Variants in FUT8 observed in about 807,000 individuals in gnomAD.
FUT8 encodes the protein fucosyltransferase 8.
In FUT8, 29 loss-of-function variants were observed where a neutral mutation model predicts 71.3. That is an observed-to-expected ratio of 0.41 (90% CI 0.30 to 0.55). The LOEUF is 0.55. Ranked by LOEUF, FUT8 falls within the 20% of genes least tolerant of loss-of-function variation. FUT8 has a pLI of 0.34. For synonymous variants in FUT8, 254 were observed against 239.3 expected, an observed-to-expected ratio of 1.06 and a Z score of -0.57; for missense variants, 544 against 702.1, an observed-to-expected ratio of 0.77 and a Z score of 2.55.
At chr14:65,534,428 T>C (rs1566808074) in intron 2 of FUT8, among the ~76,000 whole-genome samples, 1 of 151,994 alleles carries the variant, frequency 6.6e-6, no homozygotes, top group Admixed American at 6.6e-5. Context: ...TATAGAATCA[T>C]TTAGGGAGGA....
intron 2 of FUT8, among the ~76,000 whole-genome samples, chr14:65,502,269 G>A (rs2066657858): frequency 6.6e-6 from 1 of 150,384 alleles, no homozygotes; most frequent in South Asian, 2.1e-4. Context: ...CTGTCACTCA[G>A]GCTGGGGTGC....
chr14:65,580,939 C>T (rs1373823527), intron 3 of FUT8, among the ~76,000 whole-genome samples: 5 of 152,026 alleles, frequency 3.3e-5, no homozygotes, highest in Admixed American at 1.3e-4. Flanking sequence ...TAAATACTTA[C>T]ATATTGTTCT....
intron 2 of FUT8, among the ~76,000 whole-genome samples, chr14:65,557,355 C>G (rs1007176241): frequency 4.8e-5 from 7 of 145,722 alleles, no homozygotes; most frequent in African/African-American, 1.8e-4. Flanking sequence ...TTTTTTGAGA[C>G]AGAGCCTTGC....
At chr14:65,426,436 A>C (rs755904296) in intron 1 of FUT8, among the ~76,000 whole-genome samples, 2 of 151,960 alleles carry the variant, frequency 1.3e-5, no homozygotes, top group Non-Finnish European at 2.9e-5. Flanking sequence ...AGGAGCCCTC[A>C]TAAGGAAACA....
At position 65,419,724 on chromosome 14, in the gene FUT8, T is replaced by C. The variant is rs141757842; in HGVS notation, c.-326+6510T>C. 5.9e-3 allele frequency among the ~76,000 whole-genome samples: 904 copies of C among 152,300 alleles called. 11 individuals carry two copies. The highest frequency in any genetic ancestry group is 0.035 in the East Asian group (184 of 5,184). The stretch of plus-strand genomic sequence containing the variant: ...TTTCTAAGTTTTAGGTTTTTCTTTC[T>C]CTCTTAGGAAGTTTAGTGAAACTCT... On this transcript the variant is annotated intron_variant, in intron 1 of 10. Transcript: ENST00000673929.
rs182797785 is a variant in FUT8, at chr14:65,702,125, C to T, written c.836-19650C>T. ...CTTTGGGAGGCCAAGGTGGGCGGATCACCTGAGGTTGGGAGTTCAAGACCA... is the reference window on the plus strand; with the variant it reads ...CTTTGGGAGGCCAAGGTGGGCGGATTACCTGAGGTTGGGAGTTCAAGACCA... On this transcript the variant is annotated intron_variant, in intron 7 of 10. Transcript: ENST00000673929. Among the ~76,000 whole-genome samples the T allele has an allele frequency of 2.0e-5, 3 of 152,306 alleles. No homozygotes were observed. The East Asian group carries it at 5.8e-4, about 29-fold the overall frequency.
At chr14:65,568,346 A>G (rs779122720) in intron 3 of FUT8, among the ~76,000 whole-genome samples, 1 of 151,354 alleles carries the variant, frequency 6.6e-6, no homozygotes, top group Non-Finnish European at 1.5e-5. Context: ...TTTTCAAAGA[A>G]CCAACCTCTG....
intron 3 of FUT8, among the ~76,000 whole-genome samples, chr14:65,572,225 C>T (rs1020876103): frequency 5.9e-5 from 9 of 152,154 alleles, no homozygotes; most frequent in East Asian, 1.9e-4. Flanking sequence ...TTACTCTTAG[C>T]ATCTCGATTG....
chr14:65,477,375 G>A (rs1205548363), intron 2 of FUT8, among the ~76,000 whole-genome samples: 2 of 152,152 alleles, frequency 1.3e-5, no homozygotes, highest in Non-Finnish European at 2.9e-5. Flanking sequence ...ATAGTTGTTG[G>A]AGACTATGAA....
At chr14:65,395,319 A>G in the FUT8 span, among the ~76,000 whole-genome samples, 1 of 152,100 alleles carries the variant, frequency 6.6e-6, no homozygotes, top group African/African-American at 2.4e-5. Context: ...CCCAGTTGGA[A>G]CTCTGTGTGG....
chr14:65,614,914 A>C (rs993331349), intron 3 of FUT8, among the ~76,000 whole-genome samples: 8 of 152,332 alleles, frequency 5.3e-5, no homozygotes, highest in South Asian at 2.1e-4. Flanking sequence ...AGTGGAGTAC[A>C]GTATACTGCC....
At position 65,421,747 on chromosome 14, in the gene FUT8, C is replaced by CCGCT. The variant is rs57713947; in HGVS notation, c.-326+8533_-326+8534insCGCT. Among the ~76,000 whole-genome samples, 3 of 79,212 alleles carry CCGCT rather than the reference C, an allele frequency of 3.8e-5. 1 individual carries two copies. Among genetic ancestry groups the CCGCT allele is most frequent in the African/African-American group, 1.5e-4 (3 of 20,220 alleles). The allele number at this position is 79,212 out of a possible 152,430, so 52.0% of individuals were successfully genotyped here. A position where few individuals can be genotyped will look rare whatever the true frequency, so the allele number is the denominator to read the frequency against. On this transcript the variant is annotated intron_variant, in intron 1 of 10. Coordinates refer to ENST00000673929, the MANE Select transcript of FUT8 (RefSeq NM_001371533.1). ...TTGAAACCCTTTAACCCACCCCCCCCTTTTTTTTTTTTTGCCATATCCACA... is the reference window on the plus strand; with the variant it reads ...TTGAAACCCTTTAACCCACCCCCCCCCGCTTTTTTTTTTTTTTGCCATATCCACA...
intron 7 of FUT8, among the ~76,000 whole-genome samples, chr14:65,707,088 T>C (rs1255115638): frequency 2.6e-5 from 4 of 152,186 alleles, no homozygotes; most frequent in South Asian, 2.1e-4. Context: ...TTAAAAAATA[T>C]AGATTCCAAA....
chr14:65,696,270 C>T lies in FUT8; in HGVS notation c.836-25505C>T, dbSNP rs183629451. 5.3e-5 allele frequency among the ~76,000 whole-genome samples: 8 copies of T among 152,278 alleles called. No individual in the cohort carries two copies. The East Asian group carries it at 1.5e-3, about 29-fold the overall frequency. ...GCAACAAATTTCCTGTTTTGTTTAT[C>T]TGAGAAATTCTTAATTATCCTTCAA... On this transcript the variant is annotated intron_variant, in intron 7 of 10. Transcript: ENST00000673929.
chr14:65,465,879 G>A (rs8010726), intron 2 of FUT8, among the ~76,000 whole-genome samples: 104,021 of 152,024 alleles, frequency 0.68, 35,839 homozygotes, highest in East Asian at 0.86. Context: ...CTCCAACTAT[G>A]ATATTGAATT....
At chr14:65,403,029 C>G in the FUT8 span, among the ~76,000 whole-genome samples, 2 of 152,170 alleles carry the variant, frequency 1.3e-5, no homozygotes, top group African/African-American at 4.8e-5. Flanking sequence ...TTGTCAATCA[C>G]TTCTTTCTTC....
chr14:65,401,453 A>G, the FUT8 span, among the ~76,000 whole-genome samples: 1 of 152,206 alleles, frequency 6.6e-6, no homozygotes, highest in Non-Finnish European at 1.5e-5. Flanking sequence ...CTTGGAAGAA[A>G]GAGATATGCG....
chr14:65,584,799 A>G (rs1228854467), intron 3 of FUT8, among the ~76,000 whole-genome samples: 1 of 152,202 alleles, frequency 6.6e-6, no homozygotes, highest in Middle Eastern at 3.2e-3. Context: ...ATCTTTCAGT[A>G]CTTAACTCCT....
chr14:65,701,878 C>G (rs1023600324), intron 7 of FUT8, among the ~76,000 whole-genome samples: 7 of 152,146 alleles, frequency 4.6e-5, no homozygotes, highest in African/African-American at 1.2e-4. Context: ...GTAGCCACCT[C>G]GCCTCTCCCT....
Sources: allele counts gnomAD v4.1 joint callset (sites outside exome capture counted in the v4.1 genomes callset), GRCh38; gene constraint gnomAD v4.1.1; transcripts MANE v1.5; gene names NCBI Gene and HGNC (gene_info 2026-07-23, HGNC 2026-07-21).